Variants in ACBD6 observed in about 807,000 individuals in gnomAD.
ACBD6 encodes the protein acyl-CoA-binding domain-containing protein 6.
In ACBD6, 28 loss-of-function variants were observed where a neutral mutation model predicts 37.2. That is an observed-to-expected ratio of 0.75 (90% confidence interval 0.56 to 1.03). The LOEUF (loss-of-function observed/expected upper bound fraction) is 1.03, where lower values mean the gene tolerates loss of function less well. Among genes scored for constraint, ACBD6 ranks in the 50% least tolerant of loss-of-function variants. The probability of loss-of-function intolerance (pLI) is 0.00; values close to 1 mark genes in which losing one functional copy is unlikely to be tolerated. For synonymous variants in ACBD6, 113 were observed against 126.8 expected (o/e 0.89, Z 0.73); for missense variants, 340 against 337.4 (o/e 1.01, Z -0.06).
intron 3 of ACBD6, among the ~76,000 whole-genome samples, chr1:180,491,997 A>G (rs1651522968): frequency 6.6e-6 from 1 of 151,996 alleles, no homozygotes; most frequent in African/African-American, 2.4e-5. Flanking sequence ...TTTAGTAGAG[A>G]TGAGATTTCA....
intron 3 of ACBD6, among the ~76,000 whole-genome samples, chr1:180,453,912 A>C (rs543828503): frequency 1.3e-5 from 2 of 152,344 alleles, no homozygotes; most frequent in African/African-American, 4.8e-5. Flanking sequence ...AAATGGAAAA[A>C]CATTCCATGC....
At chr1:180,404,672 G>T (rs1009433374) in intron 5 of ACBD6, among the ~76,000 whole-genome samples, 1 of 152,062 alleles carries the variant, frequency 6.6e-6, no homozygotes, top group Non-Finnish European at 1.5e-5. Flanking sequence ...TGGCCAGGCT[G>T]GTTTTGAACT....
At chr1:180,393,740 C>T (rs1296346353) in intron 6 of ACBD6, among the ~76,000 whole-genome samples, 1 of 152,140 alleles carries the variant, frequency 6.6e-6, no homozygotes, top group Non-Finnish European at 1.5e-5. Context: ...CTGGAAAAGC[C>T]AAAAGCAACC....
intron 6 of ACBD6, among the ~76,000 whole-genome samples, chr1:180,377,776 C>T (rs865890387): frequency 1.3e-5 from 2 of 151,710 alleles, no homozygotes; most frequent in Admixed American, 6.6e-5. Flanking sequence ...GGAGAAACCC[C>T]GTCTCTACTA....
At chr1:180,337,444 A>C (rs1406759651) in intron 6 of ACBD6, among the ~76,000 whole-genome samples, 1 of 152,216 alleles carries the variant, frequency 6.6e-6, no homozygotes, top group African/African-American at 2.4e-5. Context: ...CCTTTGACAA[A>C]ATTCAACAAC....
rs190594104 is a variant in ACBD6 at position 180,281,354 on chromosome 1, G to T, written c.*126C>A. ...GCAGTCGGTGTTCCATTGCTTTCCT[G>T]TCCTTTCCCCTTGGGCCCAGGATTC... On this transcript the variant is annotated 3_prime_UTR_variant, in exon 9 of 14. Transcript: ENST00000642319. 243 of 152,316 alleles carry T rather than the reference G, an allele frequency of 1.6e-3. 1 individual carries two copies. The highest frequency in any genetic ancestry group is 5.6e-3 in the African/African-American group (234 of 41,560). The allele number at this position is 152,316 out of a possible 1,614,324, so 9.4% of individuals were successfully genotyped here.
chr1:180,450,999 G>A (rs569333012), intron 3 of ACBD6, among the ~76,000 whole-genome samples: 15 of 152,230 alleles, frequency 9.9e-5, no homozygotes, highest in African/African-American at 3.4e-4. Context: ...TCCAATAGAA[G>A]CTAAAAGACT....
At chr1:180,280,269 T>C (rs79513750) in intron 9 of ACBD6, among the ~76,000 whole-genome samples, 3,001 of 152,250 alleles carry the variant, frequency 0.02, 101 homozygotes, top group African/African-American at 0.067. Context: ...CCTTAGACAG[T>C]AGCAGTGCCA....
chr1:180,287,809 TTC>T (rs547458924), downstream of ACBD6, among the ~76,000 whole-genome samples: 20 of 152,304 alleles, frequency 1.3e-4, no homozygotes, highest in East Asian at 3.3e-3. Context: ...AATCTAGTTG[TTC>T]TGACTTCTAC....
chr1:180,384,368 G>C (rs1653769059), intron 6 of ACBD6, among the ~76,000 whole-genome samples: 1 of 152,016 alleles, frequency 6.6e-6, no homozygotes, highest in Non-Finnish European at 1.5e-5. Flanking sequence ...TTTCTCAAAA[G>C]TAGACAAACA....
At chr1:180,306,975 A>G (rs928349206) in intron 7 of ACBD6, among the ~76,000 whole-genome samples, 3 of 152,222 alleles carry the variant, frequency 2.0e-5, no homozygotes, top group Non-Finnish European at 4.4e-5. Context: ...AAAATAGGCT[A>G]CTATACGATC....
At chr1:180,351,589 T>C (rs1016100376) in intron 6 of ACBD6, among the ~76,000 whole-genome samples, 2 of 150,974 alleles carry the variant, frequency 1.3e-5, no homozygotes, top group African/African-American at 2.4e-5. Context: ...TACGTTTTTT[T>C]TTTTTTTTTT....
At chr1:180,285,783 G>C (rs1649478158), downstream of ACBD6, among the ~76,000 whole-genome samples, 1 of 152,032 alleles carries the variant, frequency 6.6e-6, no homozygotes, top group African/African-American at 2.4e-5. Context: ...CTGGATTATA[G>C]CAACCTTTTA....
chr1:180,378,391 A>G (rs1653517990), intron 6 of ACBD6, among the ~76,000 whole-genome samples: 1 of 152,246 alleles, frequency 6.6e-6, no homozygotes, highest in Non-Finnish European at 1.5e-5. Context: ...AACAGAAAAC[A>G]TTCTTGATAT....
chr1:180,356,340 T>C (rs1251284858), intron 6 of ACBD6, among the ~76,000 whole-genome samples: 2 of 151,860 alleles, frequency 1.3e-5, no homozygotes, highest in African/African-American at 2.4e-5. Context: ...CCCAGCTATT[T>C]TTTGTACTTT....
rs985265185 is a variant in ACBD6 at position 180,408,836 on chromosome 1, G to C, written c.573+4530C>G. Among the ~76,000 whole-genome samples, 12 of 152,026 alleles carry C rather than the reference G, an allele frequency of 7.9e-5. No individual in the cohort carries two copies. In the East Asian group the frequency reaches 2.1e-3, roughly 27 times the overall value. On this transcript the variant is annotated intron_variant, in intron 5 of 7. Transcript: ENST00000367595. ...GAAGTATATTATTTAGAATTATGTAGGTAAGGTGCTAAAGACACATTAAAA... is the reference window on the plus strand; with the variant it reads ...GAAGTATATTATTTAGAATTATGTACGTAAGGTGCTAAAGACACATTAAAA...
At chr1:180,387,639 C>T (rs935275575) in intron 6 of ACBD6, among the ~76,000 whole-genome samples, 2 of 152,154 alleles carry the variant, frequency 1.3e-5, no homozygotes, top group Non-Finnish European at 2.9e-5. Context: ...GCACTGCTTG[C>T]TACCACCAGC....
In ACBD6 at chr1:180,377,244, A is replaced by G. The variant is rs200366240; in HGVS notation, c.663+20272T>C. ...CAAAGTATCAGTGTAAACACACGAT[A>G]TTCTATACAAATACAGATACAGAGA... On this transcript the variant is annotated intron_variant, in intron 6 of 7. Coordinates refer to ENST00000367595, the MANE Select transcript of ACBD6 (RefSeq NM_032360.4). Among the ~76,000 whole-genome samples, 21 of 152,358 alleles carry G rather than the reference A, an allele frequency of 1.4e-4. No individual in the cohort carries two copies. The East Asian group carries it at 4.0e-3, about 29-fold the overall frequency.
chr1:180,360,432 G>A (rs958193274), intron 6 of ACBD6, among the ~76,000 whole-genome samples: 4 of 152,122 alleles, frequency 2.6e-5, no homozygotes, highest in Admixed American at 2.6e-4. Flanking sequence ...TTGGCCAGTG[G>A]TTCTCCAACT....
Sources: allele counts gnomAD v4.1 joint callset (sites outside exome capture counted in the v4.1 genomes callset), GRCh38; gene constraint gnomAD v4.1.1; transcripts MANE v1.5; gene names NCBI Gene and HGNC (gene_info 2026-07-23, HGNC 2026-07-21).